PRSS3: variants seen among roughly 807,000 people sequenced by gnomAD.
PRSS3 encodes trypsin-3.
Under a neutral mutation model 20.8 loss-of-function variants are expected in PRSS3, and 14 were observed. The observed-to-expected ratio is 0.67, with a 90% confidence interval of 0.44 to 1.05. The LOEUF (loss-of-function observed/expected upper bound fraction) is 1.05. PRSS3 is among the 50% of genes least tolerant of loss of function. The pLI is 0.00. For missense variants in PRSS3, 237 were observed against 306.4 expected (o/e 0.77, Z 1.69); for synonymous variants, 91 against 117.6 (o/e 0.77, Z 1.46).
chr9:33,760,360 C>T (rs1278512438), intron 1 of PRSS3, among the ~76,000 whole-genome samples: 2 of 151,846 alleles, frequency 1.3e-5, no homozygotes, highest in Non-Finnish European at 2.9e-5. Flanking sequence ...TTCTGCATTT[C>T]GTTTTTATGA....
chr9:33,782,402 C>A (rs1268611555), intron 1 of PRSS3, among the ~76,000 whole-genome samples: 2 of 152,186 alleles, frequency 1.3e-5, no homozygotes, highest in African/African-American at 4.8e-5. Context: ...AACAAACCTG[C>A]ATATGTACCC....
chr9:33,786,574 C>T (rs1824421268), intron 1 of PRSS3: 1 of 766,248 alleles, frequency 1.3e-6, no homozygotes, highest in Non-Finnish European at 2.4e-6. Context: ...GCAGGGATAT[C>T]TGTCAACGTG....
At chr9:33,786,866 C>A in intron 1 of PRSS3, 1 of 666,420 alleles carries the variant, frequency 1.5e-6, no homozygotes, top group South Asian at 1.7e-5. Context: ...TAAGCAAGAA[C>A]CTCAGCTCCC....
chr9:33,796,454 G>A (rs564593358), intron 1 of PRSS3, among the ~76,000 whole-genome samples, 189 bp from the exon 2 acceptor site: 4 of 152,350 alleles, frequency 2.6e-5, no homozygotes, highest in African/African-American at 7.2e-5. Flanking sequence ...ACCTAGCTAC[G>A]TGCCCTGCAG....
chr9:33,790,765 T>C (rs1404056071), upstream of PRSS3, among the ~76,000 whole-genome samples: 1 of 152,220 alleles, frequency 6.6e-6, no homozygotes, highest in African/African-American at 2.4e-5. Context: ...TTCTATCTTC[T>C]TCATTGCTGC....
chr9:33,794,835 G>C, upstream of PRSS3: 25 of 1,550,762 alleles, frequency 1.6e-5, no homozygotes, highest in Non-Finnish European at 2.2e-5. Flanking sequence ...AAGAAGGGGA[G>C]GAGTGCGCCA....
At chr9:33,789,275 T>C (rs1173713843) in intron 1 of PRSS3, among the ~76,000 whole-genome samples, 1 of 152,226 alleles carries the variant, frequency 6.6e-6, no homozygotes, top group African/African-American at 2.4e-5. Context: ...TAAGAAATAT[T>C]CATGCTTGCC....
intron 1 of PRSS3, among the ~76,000 whole-genome samples, chr9:33,783,699 T>G (rs778068816): frequency 1.3e-5 from 2 of 151,932 alleles, no homozygotes; most frequent in Non-Finnish European, 2.9e-5. Flanking sequence ...ACAGGAAGGT[T>G]TGGGCTGTGT....
chr9:33,776,367 A>G (rs922363298), intron 1 of PRSS3, among the ~76,000 whole-genome samples: 7 of 152,234 alleles, frequency 4.6e-5, no homozygotes, highest in Non-Finnish European at 7.3e-5. Context: ...TTGATGAAAA[A>G]TATTGAATTG....
At chr9:33,759,672 T>C (rs907895881) in intron 1 of PRSS3, among the ~76,000 whole-genome samples, 2 of 152,206 alleles carry the variant, frequency 1.3e-5, no homozygotes, top group Non-Finnish European at 2.9e-5. Context: ...TGTATGTTTA[T>C]GTGCATGTCT....
intron 1 of PRSS3, among the ~76,000 whole-genome samples, chr9:33,755,883 G>A (rs1246272728): frequency 6.6e-6 from 1 of 152,154 alleles, no homozygotes; most frequent in African/African-American, 2.4e-5. Context: ...CATCTGAAAA[G>A]ACAGAGTCTA....
upstream of PRSS3, among the ~76,000 whole-genome samples, chr9:33,794,406 C>A (rs1445186785): frequency 1.3e-5 from 2 of 152,184 alleles, no homozygotes; most frequent in Non-Finnish European, 2.9e-5. Flanking sequence ...CTACTCTGGC[C>A]AGGTTGTGCC....
chr9:33,798,468 T>C lies in PRSS3; in HGVS notation c.455-18T>C, dbSNP rs1383747850. ...ACCCACATTTCTACTTTCTTTGATC[T>C]CTTCCTGATCCTCACAGCTGACTAC... On this transcript the variant is annotated intron_variant, in intron 3 of 4. Transcript: ENST00000379405. 1.4e-5 allele frequency: 23 copies of C among 1,609,390 alleles called. No homozygotes were observed. The highest frequency in any genetic ancestry group is 2.0e-5 in the Non-Finnish European group (23 of 1,177,530).
At chr9:33,752,764 G>GT (rs749288456) in intron 1 of PRSS3, among the ~76,000 whole-genome samples, 13 of 152,304 alleles carry the variant, frequency 8.5e-5, no homozygotes, top group Non-Finnish European at 1.8e-4. Context: ...GTTCTCTTGT[G>GT]TAAAAACTAA....
At chr9:33,758,708 G>A (rs538478117) in intron 1 of PRSS3, among the ~76,000 whole-genome samples, 1 of 152,178 alleles carries the variant, frequency 6.6e-6, no homozygotes, top group Non-Finnish European at 1.5e-5. Flanking sequence ...TACAGTAGTA[G>A]AAATCAAAGG....
chr9:33,769,803 G>A (rs1823602618), intron 1 of PRSS3, among the ~76,000 whole-genome samples: 1 of 152,204 alleles, frequency 6.6e-6, no homozygotes, highest in African/African-American at 2.4e-5. Flanking sequence ...CAGGGTGATG[G>A]CCCTGGAAGG....
intron 1 of PRSS3, among the ~76,000 whole-genome samples, chr9:33,784,249 T>C (rs1824295431): frequency 6.6e-6 from 1 of 152,162 alleles, no homozygotes; most frequent in African/African-American, 2.4e-5. Context: ...GATTTGGAAT[T>C]TAGTAAAGAA....
intron 1 of PRSS3, among the ~76,000 whole-genome samples, chr9:33,771,550 C>T (rs1587379826): frequency 6.6e-6 from 1 of 150,960 alleles, no homozygotes; most frequent in African/African-American, 2.4e-5. Context: ...TGGTCTTGAA[C>T]TCTTGACCTC....
At chr9:33,783,371 C>T (rs1364228182) in intron 1 of PRSS3, among the ~76,000 whole-genome samples, 2 of 152,146 alleles carry the variant, frequency 1.3e-5, no homozygotes, top group Non-Finnish European at 1.5e-5. Flanking sequence ...GCTTCAACTC[C>T]AGTTAATTAT....
Sources: gnomAD v4.1 joint callset for allele counts (sites outside exome capture counted in the v4.1 genomes callset) on GRCh38, gnomAD v4.1.1 for gene constraint, MANE v1.5 for transcripts, NCBI Gene and HGNC (gene_info 2026-07-23, HGNC 2026-07-21) for gene names.